SELENOF: variants seen among roughly 807,000 people sequenced by gnomAD.
SELENOF encodes selenoprotein F.
SELENOF carries 16 observed loss-of-function variants against 20.5 expected under a neutral mutation model. That is an observed-to-expected ratio of 0.78 (90% CI 0.53 to 1.19). SELENOF has a LOEUF of 1.19. Among genes scored for constraint, SELENOF ranks in the 50% most tolerant of loss-of-function variants. The pLI, the probability that SELENOF is intolerant of heterozygous loss-of-function variation, is 0.00. For synonymous variants in SELENOF, 78 were observed against 74.5 expected, an observed-to-expected ratio of 1.05 and a Z score of -0.24; for missense variants, 215 against 194.2, an observed-to-expected ratio of 1.11 and a Z score of -0.64.
chr1:86,863,765 A>C (rs1658522500), intron 4 of SELENOF, among the ~76,000 whole-genome samples, 160 bp from the exon 5 acceptor site: 2 of 152,194 alleles, frequency 1.3e-5, no homozygotes, highest in South Asian at 4.1e-4. Flanking sequence ...TAAGGAGAAG[A>C]GTTTTACAGG....
intron 3 of SELENOF, among the ~76,000 whole-genome samples, chr1:86,872,537 GTTT>G (rs34910403): frequency 7.2e-6 from 1 of 138,966 alleles, no homozygotes; most frequent in Non-Finnish European, 1.6e-5. Flanking sequence ...CCCAGCTAAT[GTTT>G]TTTTTTTTTT....
intron 2 of SELENOF, among the ~76,000 whole-genome samples, chr1:86,882,296 T>C (rs1659096882): frequency 1.3e-5 from 2 of 148,752 alleles, no homozygotes; most frequent in Admixed American, 1.3e-4. Context: ...ATAGGTTAAC[T>C]TAATTTTATG....
At chr1:86,899,992 C>A (rs1184145454) in intron 2 of SELENOF, among the ~76,000 whole-genome samples, 13 of 151,526 alleles carry the variant, frequency 8.6e-5, no homozygotes, top group African/African-American at 3.2e-4. Flanking sequence ...AGACGATGGG[C>A]GGCCGGGCAG....
rs1246575105 is a variant in SELENOF, at chr1:86,862,812, G to C, written c.*662C>G. 6 of 152,408 alleles carry C rather than the reference G, an allele frequency of 3.9e-5. No individual in the cohort carries two copies. The allele number at this position is 152,408 out of a possible 1,614,324, so 9.4% of individuals were successfully genotyped here. On this transcript the variant is annotated 3_prime_UTR_variant, in exon 5 of 5. Coordinates refer to ENST00000331835, the MANE Select transcript of SELENOF (RefSeq NM_004261.5). ...GTAAGAATGTAAAACTCAAAAATTT[G>C]CCAAGTATGTATCTGATCCACACAA...
rs190438291 is a variant in SELENOF, at chr1:86,874,819, A to G, written c.316+5843T>C. 4.3e-4 allele frequency among the ~76,000 whole-genome samples: 65 copies of G among 152,362 alleles called. 2 individuals carry two copies. The highest frequency in any genetic ancestry group is 1.3e-4 in the Admixed American group (2 of 15,304). On this transcript the variant is annotated intron_variant, in intron 3 of 4. Transcript: ENST00000331835. ...AATAAGTATATTTGAATTAGAACAT[A>G]CTCTAAATAACAATGTCATACCATA...
intron 2 of SELENOF, among the ~76,000 whole-genome samples, chr1:86,891,999 C>T (rs995074754): frequency 2.0e-5 from 3 of 151,512 alleles, no homozygotes; most frequent in Admixed American, 1.3e-4. Flanking sequence ...GGCGTGATCT[C>T]GGTTCAATGC....
At chr1:86,891,765 A>G (rs1487293308) in intron 2 of SELENOF, among the ~76,000 whole-genome samples, 1 of 152,176 alleles carries the variant, frequency 6.6e-6, no homozygotes, top group Non-Finnish European at 1.5e-5. Flanking sequence ...ATCTTAGGTA[A>G]GATCTCTATG....
chr1:86,899,926 G>T (rs1338658807), intron 2 of SELENOF, among the ~76,000 whole-genome samples: 1 of 151,824 alleles, frequency 6.6e-6, no homozygotes, highest in Non-Finnish European at 1.5e-5. Context: ...CGGCCGGGCA[G>T]AGGCGCTCCT....
At chr1:86,895,786 T>C (rs1226925628) in intron 2 of SELENOF, among the ~76,000 whole-genome samples, 1 of 152,178 alleles carries the variant, frequency 6.6e-6, no homozygotes, top group African/African-American at 2.4e-5. Flanking sequence ...ACCTTCAGAA[T>C]AGTAGTTCAG....
intron 2 of SELENOF, among the ~76,000 whole-genome samples, chr1:86,884,866 A>G (rs547486208): frequency 1.8e-4 from 27 of 152,350 alleles, no homozygotes; most frequent in African/African-American, 6.5e-4. Context: ...GTAAGAAATC[A>G]TTAGGAAAAT....
intron 2 of SELENOF, among the ~76,000 whole-genome samples, chr1:86,897,960 T>A (rs1659569980): frequency 6.6e-6 from 1 of 152,144 alleles, no homozygotes; most frequent in African/African-American, 2.4e-5. Flanking sequence ...ATGGGAAGAG[T>A]TATACTCAAC....
intron 3 of SELENOF, among the ~76,000 whole-genome samples, chr1:86,868,979 A>C (rs1324146023): frequency 6.6e-6 from 1 of 152,258 alleles, no homozygotes; most frequent in Non-Finnish European, 1.5e-5. Flanking sequence ...ACAAATATAC[A>C]AATGGTCAAT....
chr1:86,889,130 T>TA (rs1659313501), intron 2 of SELENOF, among the ~76,000 whole-genome samples: 1 of 151,910 alleles, frequency 6.6e-6, no homozygotes, highest in South Asian at 2.1e-4. Flanking sequence ...AGCAGCAATA[T>TA]AAAACTAGAA....
At chr1:86,866,041 A>T (rs1371862666) in intron 4 of SELENOF, among the ~76,000 whole-genome samples, 1 of 151,760 alleles carries the variant, frequency 6.6e-6, no homozygotes, top group African/African-American at 2.4e-5. Flanking sequence ...TAAAAAAATA[A>T]AAAAAATTAG....
intron 1 of SELENOF, among the ~76,000 whole-genome samples, chr1:86,912,025 G>C (rs1287088193): frequency 6.6e-6 from 1 of 152,124 alleles, no homozygotes; most frequent in African/African-American, 2.4e-5. Context: ...GCCCACCTCA[G>C]CCTCCCAAAG....
At position 86,914,015 on chromosome 1, in the gene SELENOF, G is replaced by A; in HGVS notation, c.84+13C>T. 6.2e-7 allele frequency: 1 copy of A among 1,609,814 alleles called. No individual in the cohort carries two copies. The highest frequency in any genetic ancestry group is 8.5e-7 in the Non-Finnish European group (1 of 1,176,220). ...CTCTCCCTGTGGCAGCTGCGAAGGT[G>A]ATCTACACTCACCGCTTGAAGCACA... On this transcript the variant is annotated intron_variant, in intron 1 of 4. Coordinates refer to ENST00000331835, the MANE Select transcript of SELENOF (RefSeq NM_004261.5).
chr1:86,903,187 AG>A, intron 2 of SELENOF, 93 bp downstream of exon 2: 1 of 1,100,736 alleles, frequency 9.1e-7, no homozygotes, highest in Non-Finnish European at 1.3e-6. Context: ...AAAAGCTTAG[AG>A]GCTTTTTTAC....
At chr1:86,893,600 G>A (rs1171747569) in intron 2 of SELENOF, among the ~76,000 whole-genome samples, 3 of 152,084 alleles carry the variant, frequency 2.0e-5, no homozygotes, top group Admixed American at 1.3e-4. Flanking sequence ...CCTGGTGACA[G>A]AGCAAGACTG....
Position 86,863,285 on chromosome 1 carries a change from G to T in SELENOF, c.*189C>A. On this transcript the variant is annotated 3_prime_UTR_variant, in exon 5 of 5. Transcript: ENST00000331835. ...AGGAGGATGGACATTTATAAAAAAT[G>T]GGTTTTGTTAAGCTTGCCAACTCCT... is the stretch of plus-strand genomic sequence containing the variant. The T allele has an allele frequency of 2.3e-6, 1 of 429,422 alleles. No homozygotes were observed. The highest frequency in any genetic ancestry group is 4.1e-6 in the Non-Finnish European group (1 of 246,166). 26.6% of individuals were successfully genotyped at this position (429,422 alleles called of 1,614,324 possible). A position where few individuals can be genotyped will look rare whatever the true frequency, so the allele number is the denominator to read the frequency against.
Sources: allele counts gnomAD v4.1 joint callset (sites outside exome capture counted in the v4.1 genomes callset), GRCh38; gene constraint gnomAD v4.1.1; transcripts MANE v1.5; gene names NCBI Gene and HGNC (gene_info 2026-07-23, HGNC 2026-07-21).